The following SESN1 variants were observed in gnomAD, a reference collection of about 807,000 sequenced individuals.
SESN1 encodes sestrin 1.
A neutral mutation model predicts 59.3 loss-of-function variants in SESN1; 30 were observed. The ratio of observed to expected loss-of-function variants is 0.51; its 90% confidence interval spans 0.38 to 0.69. The LOEUF (loss-of-function observed/expected upper bound fraction) is 0.69, where lower values mean the gene tolerates loss of function less well. Among genes scored for constraint, SESN1 ranks in the 30% least tolerant of loss-of-function variants. The pLI, the probability that SESN1 is intolerant of heterozygous loss-of-function variation, is 0.00. For synonymous variants in SESN1, 197 were observed against 219.9 expected (o/e 0.90, Z 0.92); for missense variants, 566 against 673.0 (o/e 0.84, Z 1.76).
intron 1 of SESN1, among the ~76,000 whole-genome samples, chr6:109,037,457 C>G (rs1386268373): frequency 6.6e-6 from 1 of 151,984 alleles, no homozygotes; most frequent in Non-Finnish European, 1.5e-5. Context: ...TGAAATACAC[C>G]AAGATGTTAA....
At chr6:109,092,552 C>A (rs1781333482) in intron 1 of SESN1, among the ~76,000 whole-genome samples, 1 of 152,116 alleles carries the variant, frequency 6.6e-6, no homozygotes, top group Non-Finnish European at 1.5e-5. Flanking sequence ...AAGGAAAGAA[C>A]AGAAAAACTA....
In SESN1 at chr6:108,985,228, C is replaced by G. The variant is rs1017400885; in HGVS notation, c.*2316G>C. ...TGGTGGTCTGTATCAAAATCAATCT[C>G]ATTCTTAGAGATGATAAAGTTTGGC... is the stretch of plus-strand genomic sequence containing the variant. On this transcript the variant is annotated 3_prime_UTR_variant, in exon 10 of 10. Coordinates refer to ENST00000436639, the MANE Select transcript of SESN1 (RefSeq NM_014454.3). Among the ~76,000 whole-genome samples, 19 of 152,170 alleles carry G rather than the reference C, an allele frequency of 1.2e-4. No individual in the cohort carries two copies. Among genetic ancestry groups the G allele is most frequent in the African/African-American group, 4.3e-4 (18 of 41,444 alleles).
rs960349001 is a variant in SESN1, at chr6:108,987,568, T to A, written c.1632A>T (p.Arg544Ser). ...ATCAGGTCATATAGCGGGTAATGGC[T>A]CTCAGAGCATAAAGGAGTTCTGCTT... ...RMQAELLYAL[R>S]AITRYMT Residue 544 changes from arginine (R) to serine (S), a missense_variant, in exon 10 of 10, where the codon AGA (arginine) becomes AGT (serine). Arg to Ser is a moderately radical substitution (Grantham distance 110). Transcript: ENST00000436639. The A allele has an allele frequency of 5.0e-6, 8 of 1,602,476 alleles. No individual in the cohort carries two copies. The highest frequency in any genetic ancestry group is 6.8e-6 in the Non-Finnish European group (8 of 1,170,174).
At chr6:109,050,451 G>T (rs1175102950) in intron 1 of SESN1, among the ~76,000 whole-genome samples, 1 of 150,688 alleles carries the variant, frequency 6.6e-6, no homozygotes, top group Non-Finnish European at 1.5e-5. Flanking sequence ...TCTTGCAAAG[G>T]AGACAGTATG....
intron 1 of SESN1, among the ~76,000 whole-genome samples, chr6:109,040,349 G>A (rs1780318382): frequency 6.6e-6 from 1 of 152,116 alleles, no homozygotes; most frequent in Admixed American, 6.5e-5. Flanking sequence ...TTTAGGGGGA[G>A]TAATAATAAA....
chr6:109,028,212 TTA>T (rs1780125616), intron 1 of SESN1, among the ~76,000 whole-genome samples: 1 of 152,218 alleles, frequency 6.6e-6, no homozygotes, highest in East Asian at 1.9e-4. Context: ...CATATAAATT[TTA>T]TGATATTTGA....
chr6:109,039,585 C>T (rs1780306883), intron 1 of SESN1, among the ~76,000 whole-genome samples: 1 of 152,200 alleles, frequency 6.6e-6, no homozygotes. Context: ...ATAAGCACTA[C>T]TAAAACATCT....
At chr6:109,093,694 G>C (rs1781387194) in intron 1 of SESN1, 101 bp downstream of exon 1, 1 of 1,210,982 alleles carries the variant, frequency 8.3e-7, no homozygotes, top group Non-Finnish European at 1.2e-6. Flanking sequence ...CATAATAAAA[G>C]TTTACATAAC....
chr6:109,030,255 A>C (rs975302132), intron 1 of SESN1, among the ~76,000 whole-genome samples: 2 of 152,208 alleles, frequency 1.3e-5, no homozygotes, highest in African/African-American at 4.8e-5. Context: ...GTCTAAGGAG[A>C]GATATGACAA....
chr6:109,009,187 G>T (rs1779803261), intron 1 of SESN1, among the ~76,000 whole-genome samples: 1 of 152,222 alleles, frequency 6.6e-6, no homozygotes, highest in East Asian at 1.9e-4. Context: ...AGGGGCGCAG[G>T]AGGGCCGGGA....
chr6:109,003,385 G>T (rs1177133145), intron 1 of SESN1, among the ~76,000 whole-genome samples: 1 of 151,176 alleles, frequency 6.6e-6, no homozygotes, highest in Non-Finnish European at 1.5e-5. Context: ...GGTGGGGGTG[G>T]GTGCACAGAG....
chr6:108,998,947 T>G, intron 4 of SESN1, 192 bp from the exon 5 acceptor site: 1 of 513,842 alleles, frequency 1.9e-6, no homozygotes, highest in Non-Finnish European at 3.4e-6. Context: ...GAACTTAACA[T>G]AATCTGTTAA....
intron 1 of SESN1, among the ~76,000 whole-genome samples, chr6:109,056,222 C>T (rs1273293389): frequency 2.0e-5 from 3 of 152,152 alleles, no homozygotes; most frequent in South Asian, 2.1e-4. Flanking sequence ...GCCTTGGCAA[C>T]ATAGGGAGAC....
chr6:109,005,043 T>C (rs1275613598), intron 1 of SESN1, among the ~76,000 whole-genome samples: 6 of 152,214 alleles, frequency 3.9e-5, no homozygotes, highest in Admixed American at 2.6e-4. Context: ...AAAAGTCCCA[T>C]AGCCTTTGAA....
rs1779182014 is a variant in SESN1 at position 108,986,150 on chromosome 6, A to AGTC, written c.*1391_*1393dup. Reference sequence around the variant, plus strand: ...TGATGAGTGTCATTTTTTGTTCTGTAGTCTCTCCCTAATGAATCCTTCTTT... The same window carrying AGTC: ...TGATGAGTGTCATTTTTTGTTCTGTAGTCGTCTCTCCCTAATGAATCCTTCTTT... On this transcript the variant is annotated 3_prime_UTR_variant, in exon 10 of 10. Transcript: ENST00000436639. Among the ~76,000 whole-genome samples the AGTC allele has an allele frequency of 6.6e-6, 1 of 152,194 alleles. No individual in the cohort carries two copies. Among genetic ancestry groups the AGTC allele is most frequent in the African/African-American group, 2.4e-5 (1 of 41,444 alleles).
At chr6:109,060,242 T>C (rs543439245) in intron 1 of SESN1, among the ~76,000 whole-genome samples, 5 of 152,326 alleles carry the variant, frequency 3.3e-5, no homozygotes, top group Admixed American at 2.6e-4. Flanking sequence ...CTAGAATAGA[T>C]TCTAAAAAAT....
At chr6:109,008,167 GA>G (rs1405577013) in intron 1 of SESN1, among the ~76,000 whole-genome samples, 1 of 152,108 alleles carries the variant, frequency 6.6e-6, no homozygotes, top group Non-Finnish European at 1.5e-5. Context: ...GCTATCTTTA[GA>G]AATTCTAGAT....
rs1003810050 is a variant in SESN1 at position 109,073,007 on chromosome 6, G to GT, written c.279+20787dup. On this transcript the variant is annotated intron_variant, in intron 1 of 9. Transcript: ENST00000436639. ...CATTCAATAGAATAAAAAATAAAGT[G>GT]TTTTTTTGTTTGTTTTTTTAGTTTC... is the stretch of plus-strand genomic sequence containing the variant. Among the ~76,000 whole-genome samples the GT allele has an allele frequency of 5.3e-5, 8 of 150,300 alleles. No individual in the cohort carries two copies. The South Asian group carries it at 1.3e-3, about 25-fold the overall frequency.
chr6:108,985,943 AAATAT>A lies in SESN1; in HGVS notation c.*1596_*1600del, dbSNP rs1281393502. Among the ~76,000 whole-genome samples, 2 of 152,180 alleles carry A rather than the reference AAATAT, an allele frequency of 1.3e-5. No individual in the cohort carries two copies. Among genetic ancestry groups the A allele is most frequent in the Non-Finnish European group, 2.9e-5 (2 of 68,028 alleles). ...TATAGTCTTGTCTTCTCATGAGAGT[AAATAT>A]CCTTGAGGACAGGTACCACCTCTGT... On this transcript the variant is annotated 3_prime_UTR_variant, in exon 10 of 10. Coordinates refer to ENST00000436639, the MANE Select transcript of SESN1 (RefSeq NM_014454.3).
Sources: gnomAD v4.1 joint callset for allele counts (sites outside exome capture counted in the v4.1 genomes callset) on GRCh38, gnomAD v4.1.1 for gene constraint, MANE v1.5 for transcripts, NCBI Gene and HGNC (gene_info 2026-07-23, HGNC 2026-07-21) for gene names.